MAGI1: variants seen among roughly 807,000 people sequenced by gnomAD.
The protein encoded by MAGI1 is membrane associated guanylate kinase, WW and PDZ domain containing 1.
In MAGI1, 58 loss-of-function variants were observed where a neutral mutation model predicts 139.9. That is an observed-to-expected ratio of 0.41 (90% confidence interval 0.34 to 0.52). The LOEUF is 0.52. Ranked by LOEUF, MAGI1 falls within the 20% of genes least tolerant of loss-of-function variation. The probability of loss-of-function intolerance (pLI) is 0.12; values close to 1 mark genes in which losing one functional copy is unlikely to be tolerated. For synonymous variants in MAGI1, 812 were observed against 737.9 expected, an observed-to-expected ratio of 1.10 and a Z score of -1.63; for missense variants, 1,874 against 1,901.6, an observed-to-expected ratio of 0.99 and a Z score of 0.27.
chr3:65,850,309 T>C (rs906787827), intron 1 of MAGI1, among the ~76,000 whole-genome samples: 2 of 152,194 alleles, frequency 1.3e-5, no homozygotes, highest in Admixed American at 6.5e-5. Context: ...TGACCACTTT[T>C]AGTATGGAAA....
At chr3:65,359,724 T>A in intron 22 of MAGI1, 1 of 985,832 alleles carries the variant, frequency 1.0e-6, no homozygotes, top group Non-Finnish European at 1.2e-6. Flanking sequence ...TGTGGCAGGT[T>A]CAACCCTTCT....
rs187641763 is a variant in MAGI1 at position 65,958,856 on chromosome 3, G to A, written c.313+79140C>T. Reference sequence around the variant, plus strand: ...ACAAAAATTAGCTGGGCACAGTGGCGTGTGCCTGTAATCCCAGCTCCTGGG... The same window carrying A: ...ACAAAAATTAGCTGGGCACAGTGGCATGTGCCTGTAATCCCAGCTCCTGGG... On this transcript the variant is annotated intron_variant, in intron 1 of 22. Transcript: ENST00000402939. Among the ~76,000 whole-genome samples, 243 of 152,228 alleles carry A rather than the reference G, an allele frequency of 1.6e-3. 2 individuals carry two copies. Among genetic ancestry groups the A allele is most frequent in the African/African-American group, 5.4e-3 (223 of 41,542 alleles).
chr3:65,424,846 C>T lies in MAGI1; in HGVS notation c.2167+4674G>A, dbSNP rs117680066. 1.4e-3 allele frequency among the ~76,000 whole-genome samples: 211 copies of T among 152,158 alleles called. 1 individual carries two copies. In the East Asian group the frequency reaches 0.014, roughly 10 times the overall value. On this transcript the variant is annotated intron_variant, in intron 12 of 22. Transcript: ENST00000402939. ...CAGAAGCCTAACATTTTTTGCAACT[C>T]TGGTTGTATATCAGAATCACCAGTG... is the stretch of plus-strand genomic sequence containing the variant.
intron 1 of MAGI1, among the ~76,000 whole-genome samples, chr3:65,826,198 T>G (rs538164444): frequency 6.6e-6 from 1 of 152,292 alleles, no homozygotes; most frequent in East Asian, 1.9e-4. Flanking sequence ...GAATTCTGTT[T>G]GCTTAATTTT....
intron 2 of MAGI1, among the ~76,000 whole-genome samples, chr3:65,538,899 C>T (rs1287545717): frequency 3.9e-5 from 6 of 152,088 alleles, no homozygotes; most frequent in Non-Finnish European, 5.9e-5. Context: ...GAAACACATA[C>T]TAACACCGGC....
At chr3:65,727,354 C>T (rs909042333) in intron 1 of MAGI1, among the ~76,000 whole-genome samples, 6 of 152,160 alleles carry the variant, frequency 3.9e-5, no homozygotes, top group African/African-American at 1.4e-4. Flanking sequence ...ATTTGAGTTA[C>T]AATCGAATTA....
chr3:65,558,273 A>T (rs888569263), intron 2 of MAGI1, among the ~76,000 whole-genome samples: 3 of 152,174 alleles, frequency 2.0e-5, no homozygotes, highest in Non-Finnish European at 4.4e-5. Context: ...TGGATGACAG[A>T]CACTTTATTG....
At chr3:65,508,650 A>T (rs1291289671) in intron 2 of MAGI1, among the ~76,000 whole-genome samples, 1 of 152,196 alleles carries the variant, frequency 6.6e-6, no homozygotes, top group Non-Finnish European at 1.5e-5. Flanking sequence ...TTTGTCATCT[A>T]TTCAAACTGG....
At chr3:65,584,086 GAAAAA>G (rs542674034) in intron 2 of MAGI1, among the ~76,000 whole-genome samples, 10 of 95,876 alleles carry the variant, frequency 1.0e-4, no homozygotes, top group African/African-American at 1.3e-4. Context: ...ATCTACTCTT[GAAAAA>G]AAAAAAAAAA....
intron 1 of MAGI1, among the ~76,000 whole-genome samples, chr3:65,661,745 G>GTTTT (rs11369893): frequency 0.016 from 1,512 of 93,880 alleles, 169 homozygotes; most frequent in African/African-American, 0.059. Flanking sequence ...GTTTTTTTCT[G>GTTTT]TTTTTTTTTT....
At chr3:65,507,624 C>T (rs562715933) in intron 2 of MAGI1, among the ~76,000 whole-genome samples, 8 of 152,312 alleles carry the variant, frequency 5.3e-5, no homozygotes, top group African/African-American at 9.6e-5. Context: ...TGTTTGCCAA[C>T]GATCTCTATA....
At chr3:65,692,196 T>C (rs1241798548) in intron 1 of MAGI1, among the ~76,000 whole-genome samples, 2 of 152,174 alleles carry the variant, frequency 1.3e-5, no homozygotes, top group Admixed American at 6.6e-5. Flanking sequence ...ATAAGCATCA[T>C]TGAGAACTCT....
At chr3:65,436,266 T>C (rs1947845571) in intron 10 of MAGI1, among the ~76,000 whole-genome samples, 3 of 152,134 alleles carry the variant, frequency 2.0e-5, no homozygotes, top group South Asian at 2.1e-4. Flanking sequence ...TTTTAAAATA[T>C]AGAAAGGAAG....
intron 1 of MAGI1, among the ~76,000 whole-genome samples, chr3:65,974,779 G>C (rs1028621401): frequency 6.6e-6 from 1 of 152,162 alleles, no homozygotes; most frequent in African/African-American, 2.4e-5. Flanking sequence ...AGATCCAAGA[G>C]AGAGGGAAAT....
At chr3:65,427,528 G>C (rs1002484798) in intron 12 of MAGI1, among the ~76,000 whole-genome samples, 2 of 152,170 alleles carry the variant, frequency 1.3e-5, no homozygotes, top group African/African-American at 4.8e-5. Context: ...AGGAGAACAA[G>C]GTGGTTTGTG....
At chr3:65,950,106 A>ACC (rs149866632) in intron 1 of MAGI1, among the ~76,000 whole-genome samples, 3 of 84,202 alleles carry the variant, frequency 3.6e-5, no homozygotes, top group East Asian at 7.9e-4. Context: ...AAAAAAAAAA[A>ACC]CAGAACTAGC....
chr3:65,945,622 TG>T (rs1282715523), intron 1 of MAGI1, among the ~76,000 whole-genome samples: 1 of 152,196 alleles, frequency 6.6e-6, no homozygotes, highest in Non-Finnish European at 1.5e-5. Context: ...CACTGCTGAG[TG>T]TTCAACTCTT....
At chr3:65,680,802 T>C (rs2087543889) in intron 1 of MAGI1, among the ~76,000 whole-genome samples, 1 of 152,196 alleles carries the variant, frequency 6.6e-6, no homozygotes, top group South Asian at 2.1e-4. Context: ...TGATATACTT[T>C]AATAATTATT....
intron 1 of MAGI1, among the ~76,000 whole-genome samples, chr3:65,733,336 A>G (rs2034385390): frequency 6.6e-6 from 1 of 152,234 alleles, no homozygotes; most frequent in Non-Finnish European, 1.5e-5. Flanking sequence ...CTGGGATTAC[A>G]GGCGTGAGCC....
Sources: gnomAD v4.1 joint callset for allele counts (sites outside exome capture counted in the v4.1 genomes callset) on GRCh38, gnomAD v4.1.1 for gene constraint, MANE v1.5 for transcripts, NCBI Gene and HGNC (gene_info 2026-07-23, HGNC 2026-07-21) for gene names.